EPHA3: variants seen among roughly 807,000 people sequenced by gnomAD.
EPHA3 encodes the protein EPH receptor A3, also known as ephrin type-A receptor 3.
Under a neutral mutation model 107.1 loss-of-function variants are expected in EPHA3, and 42 were observed. The observed-to-expected ratio is 0.39, with a 90% CI of 0.31 to 0.51. The LOEUF is 0.51. Ranked by LOEUF, EPHA3 falls within the 20% of genes least tolerant of loss-of-function variation. The probability of loss-of-function intolerance (pLI) is 0.78; values close to 1 mark genes in which losing one functional copy is unlikely to be tolerated. For synonymous variants in EPHA3, 461 were observed against 424.8 expected, an observed-to-expected ratio of 1.09 and a Z score of -1.05; for missense variants, 1,183 against 1,211.2, an observed-to-expected ratio of 0.98 and a Z score of 0.35.
chr3:89,401,969 G>GCTAATAT (rs777596305), intron 7 of EPHA3, among the ~76,000 whole-genome samples: 2 of 152,082 alleles, frequency 1.3e-5, no homozygotes, highest in African/African-American at 2.4e-5. Context: ...ATTAGCAAAA[G>GCTAATAT]CTAATATTTA....
Position 89,202,933 on chromosome 3 carries a change from T to C in EPHA3, c.154-6927T>C, listed in dbSNP as rs187366367. ...GTTTGTTATAATATCTTATCATTCCTTGTAGGAGGTAGAAGATGAGGTTAT... is the reference window on the plus strand; with the variant it reads ...GTTTGTTATAATATCTTATCATTCCCTGTAGGAGGTAGAAGATGAGGTTAT... On this transcript the variant is annotated intron_variant, in intron 2 of 16. Transcript: ENST00000336596. Among the ~76,000 whole-genome samples the C allele has an allele frequency of 2.6e-4, 39 of 152,258 alleles. No individual in the cohort carries two copies. The East Asian group carries it at 3.1e-3, about 12-fold the overall frequency.
At chr3:89,179,209 T>A (rs1705383922) in intron 2 of EPHA3, among the ~76,000 whole-genome samples, 1 of 152,130 alleles carries the variant, frequency 6.6e-6, no homozygotes, top group African/African-American at 2.4e-5. Flanking sequence ...AGATGGAATT[T>A]ATTTGGAAGA....
intron 2 of EPHA3, among the ~76,000 whole-genome samples, chr3:89,156,845 C>A (rs1406567784): frequency 2.0e-5 from 3 of 151,548 alleles, no homozygotes; most frequent in Non-Finnish European, 2.9e-5. Context: ...TTTCCTTTAT[C>A]TTTACATATT....
At chr3:89,239,932 T>C (rs2107241716) in intron 3 of EPHA3, among the ~76,000 whole-genome samples, 1 of 152,328 alleles carries the variant, frequency 6.6e-6, no homozygotes, top group East Asian at 1.9e-4. Flanking sequence ...TAAAGAGGAC[T>C]GAGCAGTTGT....
intron 5 of EPHA3, among the ~76,000 whole-genome samples, chr3:89,381,981 C>T (rs2107486026): frequency 6.6e-6 from 1 of 152,056 alleles, no homozygotes; most frequent in Non-Finnish European, 1.5e-5. Context: ...TAGATTAAGA[C>T]AAGAACTCTG....
intron 12 of EPHA3, among the ~76,000 whole-genome samples, chr3:89,429,696 ATCT>A (rs1286251092): frequency 9.9e-4 from 31 of 31,200 alleles, no homozygotes; most frequent in Middle Eastern, 0.021. Context: ...TTTATCTATC[ATCT>A]ATCTATCTAT....
At chr3:89,355,420 C>A (rs1707924029) in intron 5 of EPHA3, among the ~76,000 whole-genome samples, 1 of 151,234 alleles carries the variant, frequency 6.6e-6, no homozygotes, top group African/African-American at 2.4e-5. Context: ...ATAAGTGAAG[C>A]AAATATGCCT....
rs181840604 is a variant in EPHA3, at chr3:89,273,971, A to G, written c.814+63451A>G. ...AGAAATGTGAAAAATGAGGCACTAA[A>G]TAGACAGTTATTTACAGTGTGAGAG... On this transcript the variant is annotated intron_variant, in intron 3 of 16. Transcript: ENST00000336596. 6.6e-5 allele frequency among the ~76,000 whole-genome samples: 10 copies of G among 152,082 alleles called. No homozygotes were observed. The South Asian group carries it at 1.2e-3, about 19-fold the overall frequency.
chr3:89,274,665 G>A (rs1705762009), intron 3 of EPHA3, among the ~76,000 whole-genome samples: 1 of 151,968 alleles, frequency 6.6e-6, no homozygotes, highest in Non-Finnish European at 1.5e-5. Context: ...TCTTGATAGA[G>A]CCATCAGTTT....
At chr3:89,401,663 AATG>A (rs1708966510) in intron 7 of EPHA3, among the ~76,000 whole-genome samples, 1 of 152,132 alleles carries the variant, frequency 6.6e-6, no homozygotes, top group Admixed American at 6.5e-5. Flanking sequence ...GATGGAGTGC[AATG>A]GCATGATCTC....
intron 3 of EPHA3, among the ~76,000 whole-genome samples, chr3:89,231,053 A>G (rs1459837431): frequency 3.3e-5 from 5 of 152,102 alleles, no homozygotes; most frequent in Non-Finnish European, 7.4e-5. Context: ...TTTGTTATAC[A>G]TTACCCATCA....
At chr3:89,259,076 G>A (rs1705354796) in intron 3 of EPHA3, among the ~76,000 whole-genome samples, 1 of 152,172 alleles carries the variant, frequency 6.6e-6, no homozygotes, top group African/African-American at 2.4e-5. Flanking sequence ...GGGAAGCTGA[G>A]TGAAGAGTAT....
intron 1 of EPHA3, among the ~76,000 whole-genome samples, chr3:89,121,591 T>C (rs1184231174): frequency 5.3e-5 from 8 of 152,056 alleles, no homozygotes; most frequent in Admixed American, 5.2e-4. Flanking sequence ...ACCCCGTCTC[T>C]ACTAAAAGTA....
chr3:89,409,838 C>G (rs921014701), intron 9 of EPHA3, among the ~76,000 whole-genome samples: 1 of 152,074 alleles, frequency 6.6e-6, no homozygotes, highest in African/African-American at 2.4e-5. Context: ...AAGATCCTGT[C>G]CCCTTGCCCT....
chr3:89,412,522 T>TAC (rs1190522247), intron 9 of EPHA3, among the ~76,000 whole-genome samples: 1 of 151,570 alleles, frequency 6.6e-6, no homozygotes, highest in African/African-American at 2.4e-5. Context: ...GTATTATATA[T>TAC]ACACACCAAT....
chr3:89,425,279 T>G lies in EPHA3; in HGVS notation c.2075-3827T>G, dbSNP rs116812081. Among the ~76,000 whole-genome samples the G allele has an allele frequency of 9.7e-3, 1,468 of 151,628 alleles. 27 individuals carry two copies. Among genetic ancestry groups the G allele is most frequent in the African/African-American group, 0.034 (1,404 of 41,488 alleles). On this transcript the variant is annotated intron_variant, in intron 11 of 16. Coordinates refer to ENST00000336596, the MANE Select transcript of EPHA3 (RefSeq NM_005233.6). ...TCAGTTCAATATTCATTACAATATTTTTATCAGTTAGGTATGATATGTGAA... is the reference window on the plus strand; with the variant it reads ...TCAGTTCAATATTCATTACAATATTGTTATCAGTTAGGTATGATATGTGAA...
chr3:89,130,697 C>T (rs1256553457), intron 2 of EPHA3, among the ~76,000 whole-genome samples: 6 of 150,878 alleles, frequency 4.0e-5, no homozygotes, highest in African/African-American at 9.8e-5. Flanking sequence ...CGCTGTGGCG[C>T]GATCTCGGCT....
chr3:89,122,771 A>G (rs1210212788), intron 1 of EPHA3, among the ~76,000 whole-genome samples: 1 of 152,220 alleles, frequency 6.6e-6, no homozygotes, highest in Non-Finnish European at 1.5e-5. Context: ...CGCCCTCACT[A>G]ACTGGGAACA....
intron 1 of EPHA3, among the ~76,000 whole-genome samples, chr3:89,125,481 T>C (rs902068136): frequency 6.6e-6 from 1 of 151,770 alleles, no homozygotes; most frequent in Non-Finnish European, 1.5e-5. Flanking sequence ...TGAGGGTATT[T>C]AATTATTTTT....
Sources: allele counts gnomAD v4.1 joint callset (sites outside exome capture counted in the v4.1 genomes callset), GRCh38; gene constraint gnomAD v4.1.1; transcripts MANE v1.5; gene names NCBI Gene and HGNC (gene_info 2026-07-23, HGNC 2026-07-21).